The following TNRC6C variants were observed in gnomAD, a reference collection of about 807,000 sequenced individuals.
TNRC6C encodes the protein trinucleotide repeat containing adaptor 6C.
TNRC6C carries 20 observed loss-of-function variants against 153.7 expected under a neutral mutation model. The observed-to-expected ratio is 0.13, with a 90% confidence interval of 0.09 to 0.19. The LOEUF is 0.19. TNRC6C is among the 10% of genes least tolerant of loss of function. The pLI is 1.00. For missense variants in TNRC6C, 1,987 were observed against 2,172.0 expected, an observed-to-expected ratio of 0.91 and a Z score of 1.69; for synonymous variants, 811 against 841.4, an observed-to-expected ratio of 0.96 and a Z score of 0.63.
intron 2 of TNRC6C, among the ~76,000 whole-genome samples, chr17:78,038,678 CA>C (rs751760738): frequency 0.06 from 3,687 of 61,268 alleles, 83 homozygotes; most frequent in African/African-American, 0.15. Flanking sequence ...GACTCCGTGT[CA>C]AAAAAAAAAA....
At chr17:78,017,334 G>C (rs558056825) in intron 1 of TNRC6C, among the ~76,000 whole-genome samples, 31 of 152,274 alleles carry the variant, frequency 2.0e-4, no homozygotes, top group Admixed American at 6.5e-4. Context: ...CTCCTGCTCT[G>C]TTCAGACCAG....
intron 4 of TNRC6C, 145 bp from the exon 7 acceptor site, chr17:78,067,612 T>G (rs1162264242): frequency 3.6e-6 from 3 of 834,988 alleles, no homozygotes; most frequent in Non-Finnish European, 5.3e-6. Flanking sequence ...GAAATTCAAT[T>G]CTGAGATCTG....
At chr17:78,054,754 G>A (rs932131855) in intron 3 of TNRC6C, among the ~76,000 whole-genome samples, 2 of 151,664 alleles carry the variant, frequency 1.3e-5, no homozygotes, top group African/African-American at 4.9e-5. Context: ...GGAGACTACT[G>A]TGGACTACTG....
rs776872679 is a variant in TNRC6C, at chr17:78,050,704, ACTG to A, written c.1653_1655del (p.Ala552del). ...CTCGATAAGCTCTACTGCTGTTAGT[ACTG>A]CTGCTGCTGCCAAGAGTGGCCATGC... is the stretch of plus-strand genomic sequence containing the variant. On this transcript the variant is annotated inframe_deletion, in exon 3 of 20. Transcript: ENST00000301624. The A allele has an allele frequency of 2.1e-4, 336 of 1,576,562 alleles. 1 individual carries two copies. Among genetic ancestry groups the A allele is most frequent in the African/African-American group, 2.8e-4 (21 of 74,362 alleles).
At chr17:78,071,427 T>C (rs975518434) in intron 6 of TNRC6C, among the ~76,000 whole-genome samples, 11 of 152,198 alleles carry the variant, frequency 7.2e-5, no homozygotes, top group African/African-American at 2.7e-4. Context: ...AAAATGCTTT[T>C]TTTTTTTGGA....
At chr17:77,959,832 C>T (rs1304269464) in intron 1 of TNRC6C, among the ~76,000 whole-genome samples, 3 of 152,048 alleles carry the variant, frequency 2.0e-5, no homozygotes, top group Non-Finnish European at 4.4e-5. Context: ...TATCAGATAA[C>T]GTAACCCGAG....
intron 17 of TNRC6C, among the ~76,000 whole-genome samples, chr17:78,099,327 G>C (rs2073545926): frequency 6.6e-6 from 1 of 152,292 alleles, no homozygotes; most frequent in Admixed American, 6.5e-5. Context: ...ATCAGCTACA[G>C]ATAGTGTATT....
intron 1 of TNRC6C, among the ~76,000 whole-genome samples, chr17:78,016,015 G>A (rs2071720920): frequency 6.6e-6 from 1 of 152,188 alleles, no homozygotes; most frequent in Non-Finnish European, 1.5e-5. Flanking sequence ...AGCAGAAATG[G>A]GTTTAAAATA....
intron 3 of TNRC6C, among the ~76,000 whole-genome samples, chr17:78,063,169 C>T (rs1026178793): frequency 4.6e-5 from 7 of 151,578 alleles, no homozygotes; most frequent in South Asian, 2.1e-4. Context: ...CCCCTTAACC[C>T]GGGAGGCGGT....
intron 17 of TNRC6C, among the ~76,000 whole-genome samples, chr17:78,101,434 T>G (rs1197161419): frequency 6.6e-6 from 1 of 152,176 alleles, no homozygotes; most frequent in African/African-American, 2.4e-5. Flanking sequence ...TTTCTGAGCC[T>G]TGAGTTCCAA....
At chr17:78,018,540 TG>T (rs773949350) in intron 1 of TNRC6C, among the ~76,000 whole-genome samples, 1 of 151,936 alleles carries the variant, frequency 6.6e-6, no homozygotes, top group African/African-American at 2.4e-5. Flanking sequence ...TTGACATGTT[TG>T]GGGGGGTGGA....
intron 16 of TNRC6C, among the ~76,000 whole-genome samples, chr17:78,097,541 A>G (rs1049440939): frequency 2.0e-5 from 3 of 152,158 alleles, no homozygotes; most frequent in African/African-American, 7.2e-5. Flanking sequence ...GCAACATCCC[A>G]GGCCTCCCTG....
At chr17:77,969,479 A>T (rs574009927) in intron 1 of TNRC6C, among the ~76,000 whole-genome samples, 6 of 151,940 alleles carry the variant, frequency 3.9e-5, no homozygotes, top group African/African-American at 1.4e-4. Context: ...CGAATTCCTG[A>T]TCTCAGGTGA....
intron 1 of TNRC6C, among the ~76,000 whole-genome samples, chr17:77,969,448 C>T (rs1013541640): frequency 6.6e-6 from 1 of 151,942 alleles, no homozygotes. Flanking sequence ...CGGGGTTTCA[C>T]CATGTTGGCC....
At chr17:78,029,021 C>G (rs529128696) in intron 1 of TNRC6C, among the ~76,000 whole-genome samples, 54 of 152,306 alleles carry the variant, frequency 3.5e-4, no homozygotes, top group African/African-American at 1.2e-3. Context: ...GGTTATCACC[C>G]AACTCTTCTG....
intron 1 of TNRC6C, among the ~76,000 whole-genome samples, chr17:78,014,852 T>C (rs2071699393): frequency 6.6e-6 from 1 of 152,040 alleles, no homozygotes; most frequent in African/African-American, 2.4e-5. Flanking sequence ...GGCACCACTT[T>C]GTATCCCTCC....
chr17:78,100,770 C>CTTTTTTTTTT (rs56816459), intron 17 of TNRC6C, among the ~76,000 whole-genome samples: 7 of 104,034 alleles, frequency 6.7e-5, no homozygotes, highest in African/African-American at 1.9e-4. Flanking sequence ...ATGGGATTTC[C>CTTTTTTTTTT]TTTTTTTTTT....
At position 78,079,553 on chromosome 17, in the gene TNRC6C, A is replaced by T. The variant is rs1237100322; in HGVS notation, c.3357+12A>T. Reference sequence around the variant, plus strand: ...TTCTATCCCCTCAGGTCAGACCCACATCCAAGCAGGACTGAGCAACAGGAT... The same window carrying T: ...TTCTATCCCCTCAGGTCAGACCCACTTCCAAGCAGGACTGAGCAACAGGAT... On this transcript the variant is annotated intron_variant, in intron 10 of 19. Transcript: ENST00000301624. The surrounding 1 kb of genome is among the most constrained non-coding windows in gnomAD (Gnocchi z 4.3). 1 of 1,613,626 alleles carries T rather than the reference A, an allele frequency of 6.2e-7. No homozygotes were observed. Among genetic ancestry groups the T allele is most frequent in the Non-Finnish European group, 8.5e-7 (1 of 1,179,762 alleles).
upstream of TNRC6C, among the ~76,000 whole-genome samples, chr17:78,003,614 A>G (rs1445873796): frequency 6.6e-6 from 1 of 152,232 alleles, no homozygotes; most frequent in Non-Finnish European, 1.5e-5. Context: ...CAAGAGATTC[A>G]ATATGTTGTT....
Sources: gnomAD v4.1 joint callset for allele counts (sites outside exome capture counted in the v4.1 genomes callset) on GRCh38, gnomAD v4.1.1 for gene constraint, Gnocchi (gnomAD v3.1) non-coding constraint, MANE v1.5 for transcripts, NCBI Gene and HGNC (gene_info 2026-07-23, HGNC 2026-07-21) for gene names.